The following ARHGAP15 variants were observed in gnomAD, a reference collection of about 807,000 sequenced individuals.
ARHGAP15 encodes Rho GTPase activating protein 15.
Under a neutral mutation model 63.7 loss-of-function variants are expected in ARHGAP15, and 51 were observed. The observed-to-expected ratio is 0.80, with a 90% CI of 0.64 to 1.01. The LOEUF is 1.01. Ranked by LOEUF, ARHGAP15 falls within the 50% of genes least tolerant of loss-of-function variation. The pLI is 0.00. For synonymous variants in ARHGAP15, 191 were observed against 193.8 expected (o/e 0.99, Z 0.12); for missense variants, 560 against 564.6 (o/e 0.99, Z 0.08).
chr2:143,173,975 C>T (rs1399813015), intron 2 of ARHGAP15, among the ~76,000 whole-genome samples: 1 of 152,030 alleles, frequency 6.6e-6, no homozygotes, highest in East Asian at 1.9e-4. Flanking sequence ...AATTCCCTCC[C>T]CAATTTGCCC....
At chr2:143,320,565 G>A (rs1400937509) in intron 6 of ARHGAP15, among the ~76,000 whole-genome samples, 1 of 151,996 alleles carries the variant, frequency 6.6e-6, no homozygotes, top group Non-Finnish European at 1.5e-5. Flanking sequence ...TAAGCAAAGC[G>A]GGACGCTACA....
rs561647764 is a variant in ARHGAP15, at chr2:143,322,402, C to T, written c.474+71802C>T. ...TTAATCAGAGAGTGGGCTACCTTCTCGGTAACTCTCTAGAGCCCACCGTAA... is the reference window on the plus strand; with the variant it reads ...TTAATCAGAGAGTGGGCTACCTTCTTGGTAACTCTCTAGAGCCCACCGTAA... On this transcript the variant is annotated intron_variant, in intron 6 of 13. Transcript: ENST00000295095. Among the ~76,000 whole-genome samples the T allele has an allele frequency of 1.8e-4, 28 of 152,140 alleles. No individual in the cohort carries two copies. The South Asian group carries it at 5.4e-3, about 29-fold the overall frequency.
chr2:143,381,215 G>T (rs1388456735), intron 6 of ARHGAP15, among the ~76,000 whole-genome samples: 3 of 152,060 alleles, frequency 2.0e-5, no homozygotes, highest in Admixed American at 6.6e-5. Context: ...GAGTTGTTTG[G>T]CTTTGCTGTG....
intron 2 of ARHGAP15, among the ~76,000 whole-genome samples, chr2:143,156,672 T>C (rs557466766): frequency 3.0e-4 from 45 of 152,080 alleles, no homozygotes; most frequent in Non-Finnish European, 5.6e-4. Flanking sequence ...ATGAGAAATA[T>C]GTGATTTTAA....
In ARHGAP15 at chr2:143,497,248, G is replaced by A. The variant is rs560348734; in HGVS notation, c.826+9753G>A. Among the ~76,000 whole-genome samples, 103 of 152,240 alleles carry A rather than the reference G, an allele frequency of 6.8e-4. 1 individual carries two copies. Among genetic ancestry groups the A allele is most frequent in the Admixed American group, 2.6e-3 (40 of 15,292 alleles). On this transcript the variant is annotated intron_variant, in intron 9 of 13. Transcript: ENST00000295095. ...ATTGCACCAAAGTTGATGTGCTCTC[G>A]AAAGCATATCCTCAACTAGTTGGAG...
At chr2:143,185,822 A>C (rs1691424901) in intron 2 of ARHGAP15, among the ~76,000 whole-genome samples, 2 of 152,136 alleles carry the variant, frequency 1.3e-5, no homozygotes, top group South Asian at 4.1e-4. Context: ...ATATTTAAAA[A>C]TTTTCTAACC....
chr2:143,554,236 A>G (rs1695693175), intron 10 of ARHGAP15, among the ~76,000 whole-genome samples: 1 of 152,150 alleles, frequency 6.6e-6, no homozygotes, highest in African/African-American at 2.4e-5. Context: ...ATTATTCTCT[A>G]AATTCCTTAA....
intron 6 of ARHGAP15, among the ~76,000 whole-genome samples, chr2:143,370,570 T>C (rs985571431): frequency 6.6e-6 from 1 of 152,178 alleles, no homozygotes; most frequent in African/African-American, 2.4e-5. Flanking sequence ...TTGTAATTAT[T>C]TAATATATAT....
At position 143,243,875 on chromosome 2, in the gene ARHGAP15, C is replaced by T. The variant is rs527262030; in HGVS notation, c.385-6636C>T. ...ATTAGGACCATTTTTACACAATCCT[C>T]CAGCTACTTATTCTAGTTTTCTCTT... On this transcript the variant is annotated intron_variant, in intron 5 of 13. Transcript: ENST00000295095. Among the ~76,000 whole-genome samples, 8 of 152,232 alleles carry T rather than the reference C, an allele frequency of 5.3e-5. No homozygotes were observed. In the South Asian group the frequency reaches 1.5e-3, roughly 28 times the overall value.
intron 6 of ARHGAP15, among the ~76,000 whole-genome samples, chr2:143,253,855 C>T (rs35245178): frequency 0.012 from 1,750 of 151,990 alleles, 20 homozygotes; most frequent in Middle Eastern, 0.037. Context: ...CTTCCACACA[C>T]AAACACAGAA....
At chr2:143,605,587 C>T (rs1288090704) in intron 11 of ARHGAP15, among the ~76,000 whole-genome samples, 1 of 151,994 alleles carries the variant, frequency 6.6e-6, no homozygotes, top group Non-Finnish European at 1.5e-5. Flanking sequence ...AGCAAATGAT[C>T]CCTAGCTAAT....
chr2:143,550,880 G>A (rs781712169), intron 10 of ARHGAP15, among the ~76,000 whole-genome samples: 34 of 152,034 alleles, frequency 2.2e-4, no homozygotes, highest in Admixed American at 5.9e-4. Context: ...ATAAACAAAC[G>A]CATAAAGAAT....
intron 13 of ARHGAP15, among the ~76,000 whole-genome samples, chr2:143,753,229 TGAA>T (rs940526048): frequency 2.6e-5 from 4 of 152,158 alleles, no homozygotes; most frequent in African/African-American, 4.8e-5. Context: ...AGGCAAACCG[TGAA>T]GAAGATAGCT....
chr2:143,336,986 T>G (rs1465907166), intron 6 of ARHGAP15, among the ~76,000 whole-genome samples: 1 of 151,880 alleles, frequency 6.6e-6, no homozygotes, highest in Middle Eastern at 3.2e-3. Flanking sequence ...TAGATAGGTA[T>G]GAAGCTGCCA....
At chr2:143,567,911 G>A (rs1249604014) in intron 11 of ARHGAP15, among the ~76,000 whole-genome samples, 1 of 152,128 alleles carries the variant, frequency 6.6e-6, no homozygotes, top group Non-Finnish European at 1.5e-5. Flanking sequence ...GGAAAGGAGG[G>A]AAATTAGCTA....
rs547935663 is a variant in ARHGAP15 at position 143,167,836 on chromosome 2, T to A, written c.165+12181T>A. On this transcript the variant is annotated intron_variant, in intron 2 of 13. Transcript: ENST00000295095. ...TTTTATTTGGTTGGAATGGTGTTTTTAATAGTTTGAATTTGAAAGCCTTTC... is the reference window on the plus strand; with the variant it reads ...TTTTATTTGGTTGGAATGGTGTTTTAAATAGTTTGAATTTGAAAGCCTTTC... Among the ~76,000 whole-genome samples, 79 of 152,274 alleles carry A rather than the reference T, an allele frequency of 5.2e-4. 1 individual carries two copies. Among genetic ancestry groups the A allele is most frequent in the African/African-American group, 1.9e-3 (77 of 41,560 alleles).
At chr2:143,525,462 G>T (rs112785737) in intron 10 of ARHGAP15, among the ~76,000 whole-genome samples, 313 of 146,518 alleles carry the variant, frequency 2.1e-3, no homozygotes, top group African/African-American at 7.3e-3. Context: ...CTATGTTTTT[G>T]TTTTTTTTTT....
chr2:143,440,909 A>T (rs1689846851), intron 8 of ARHGAP15, among the ~76,000 whole-genome samples: 1 of 152,208 alleles, frequency 6.6e-6, no homozygotes, highest in African/African-American at 2.4e-5. Context: ...TTCCACTGAC[A>T]GCAAAGAGGG....
At chr2:143,637,886 A>T (rs561158111) in intron 12 of ARHGAP15, among the ~76,000 whole-genome samples, 65 of 152,328 alleles carry the variant, frequency 4.3e-4, no homozygotes, top group African/African-American at 1.5e-3. Context: ...GGCAGCCAAA[A>T]AACACATGAA....
Sources: gnomAD v4.1 joint callset for allele counts (sites outside exome capture counted in the v4.1 genomes callset) on GRCh38, gnomAD v4.1.1 for gene constraint, MANE v1.5 for transcripts, NCBI Gene and HGNC (gene_info 2026-07-23, HGNC 2026-07-21) for gene names.